Variants in CLVS1 observed in about 807,000 individuals in gnomAD.
CLVS1 encodes the protein clavesin-1.
Under a neutral mutation model 33.1 loss-of-function variants are expected in CLVS1, and 10 were observed. That is an observed-to-expected ratio of 0.30 (90% CI 0.19 to 0.51). The LOEUF (loss-of-function observed/expected upper bound fraction) is 0.51, where lower values mean the gene tolerates loss of function less well. Ranked by LOEUF, CLVS1 falls within the 20% of genes least tolerant of loss-of-function variation. The pLI is 0.97. For synonymous variants in CLVS1, 163 were observed against 166.1 expected, an observed-to-expected ratio of 0.98 and a Z score of 0.14; for missense variants, 343 against 433.4, an observed-to-expected ratio of 0.79 and a Z score of 1.85.
chr8:60,991,695 C>T, the CLVS1 span, among the ~76,000 whole-genome samples: 2 of 151,812 alleles, frequency 1.3e-5, no homozygotes, highest in Non-Finnish European at 2.9e-5. Context: ...AAACCAGGAC[C>T]TCTGCTTGGC....
At chr8:61,277,519 T>C (rs1809582964) in intron 2 of CLVS1, among the ~76,000 whole-genome samples, 1 of 152,090 alleles carries the variant, frequency 6.6e-6, no homozygotes, top group African/African-American at 2.4e-5. Flanking sequence ...TGGGTGAGTA[T>C]AGGGGAGGCT....
intron 2 of CLVS1, among the ~76,000 whole-genome samples, chr8:61,344,609 G>C (rs1179017685): frequency 3.9e-5 from 6 of 152,176 alleles, no homozygotes; most frequent in Non-Finnish European, 8.8e-5. Flanking sequence ...GCATGTGGCT[G>C]TATAGACTGG....
rs536734888 is a variant in CLVS1, at chr8:61,246,252, C to T, written c.-151-53425C>T. Among the ~76,000 whole-genome samples the T allele has an allele frequency of 3.0e-5, 4 of 132,986 alleles. No individual in the cohort carries two copies. The South Asian group carries it at 1.0e-3, about 34-fold the overall frequency. The allele number at this position is 132,986 out of a possible 152,430, so 87.2% of individuals were successfully genotyped here. ...GAGTGTGATCTCGGCTCACTGGAAC[C>T]TCTGCCTCCCAGGTTCAAGCGATTC... On this transcript the variant is annotated intron_variant, in intron 2 of 2. Transcript: ENST00000522621.
At chr8:61,319,502 G>A (rs1783148219) in intron 2 of CLVS1, among the ~76,000 whole-genome samples, 1 of 152,110 alleles carries the variant, frequency 6.6e-6, no homozygotes, top group African/African-American at 2.4e-5. Flanking sequence ...TTTATGTGGG[G>A]AGACCAGTTT....
chr8:61,105,972 C>G (rs1394765902), intron 1 of CLVS1, among the ~76,000 whole-genome samples: 1 of 152,174 alleles, frequency 6.6e-6, no homozygotes, highest in Non-Finnish European at 1.5e-5. Context: ...AAGCCAGAAG[C>G]CGGTTGTAGT....
At chr8:61,259,746 A>G (rs1031883084) in intron 2 of CLVS1, among the ~76,000 whole-genome samples, 2 of 152,250 alleles carry the variant, frequency 1.3e-5, no homozygotes. Flanking sequence ...TCTCTGAAGC[A>G]CTGAACATTG....
intron 2 of CLVS1, among the ~76,000 whole-genome samples, chr8:61,316,085 T>G (rs1810998384): frequency 6.6e-6 from 1 of 152,230 alleles, no homozygotes; most frequent in South Asian, 2.1e-4. Flanking sequence ...TGCATAGTAT[T>G]CTATGGTGTA....
At chr8:60,976,018 T>C in the CLVS1 span, among the ~76,000 whole-genome samples, 1 of 152,210 alleles carries the variant, frequency 6.6e-6, no homozygotes, top group Admixed American at 6.5e-5. Context: ...GATCAAACTT[T>C]CCTTAATTTT....
intron 1 of CLVS1, among the ~76,000 whole-genome samples, chr8:61,075,347 C>T (rs143637411): frequency 2.1e-3 from 326 of 152,316 alleles, no homozygotes; most frequent in Middle Eastern, 6.8e-3. Context: ...AGGATTATGA[C>T]AGATCAGCAA....
chr8:61,001,754 G>C, the CLVS1 span, among the ~76,000 whole-genome samples: 4 of 152,202 alleles, frequency 2.6e-5, no homozygotes, highest in African/African-American at 9.7e-5. Flanking sequence ...CCAAGCTCCG[G>C]CTAAACTCAA....
At chr8:61,481,981 T>A (rs1162379713) in intron 5 of CLVS1, among the ~76,000 whole-genome samples, 10 of 152,114 alleles carry the variant, frequency 6.6e-5, no homozygotes. Flanking sequence ...TACAGCTAGG[T>A]GCCCCTCTGA....
chr8:61,394,732 C>T (rs1814449242), intron 3 of CLVS1, among the ~76,000 whole-genome samples: 1 of 152,126 alleles, frequency 6.6e-6, no homozygotes, highest in Non-Finnish European at 1.5e-5. Context: ...GCAGGGCTCT[C>T]TTTTTAGTTT....
intron 2 of CLVS1, among the ~76,000 whole-genome samples, chr8:61,228,305 T>C: frequency 6.6e-6 from 1 of 152,202 alleles, no homozygotes; most frequent in East Asian, 1.9e-4. Flanking sequence ...GTACTTATCA[T>C]TTTTGTGTGT....
chr8:61,157,815 A>C (rs1806679475), intron 2 of CLVS1, among the ~76,000 whole-genome samples: 1 of 152,176 alleles, frequency 6.6e-6, no homozygotes, highest in Non-Finnish European at 1.5e-5. Context: ...TAAGAAATGC[A>C]AATTAAAGCC....
chr8:61,111,251 C>T (rs190944771), intron 1 of CLVS1, among the ~76,000 whole-genome samples: 53 of 152,144 alleles, frequency 3.5e-4, no homozygotes, highest in Admixed American at 1.2e-3. Flanking sequence ...AATTCACAAA[C>T]ATAAAAAATC....
chr8:61,112,179 T>TAC (rs749547863), intron 1 of CLVS1, among the ~76,000 whole-genome samples: 2,094 of 89,128 alleles, frequency 0.023, 18 homozygotes, highest in Middle Eastern at 0.031. Context: ...TTCTCCGTGC[T>TAC]ACACACACAC....
intron 3 of CLVS1, among the ~76,000 whole-genome samples, chr8:61,400,256 T>C (rs1814697567): frequency 6.6e-6 from 1 of 151,906 alleles, no homozygotes; most frequent in Non-Finnish European, 1.5e-5. Context: ...TCACTTCCCT[T>C]GTTAGCTGTA....
chr8:61,440,129 G>A (rs1332984345), intron 3 of CLVS1, among the ~76,000 whole-genome samples: 1 of 152,158 alleles, frequency 6.6e-6, no homozygotes, highest in East Asian at 1.9e-4. Flanking sequence ...ACTAGTAGAT[G>A]AACTAATTGA....
intron 2 of CLVS1, among the ~76,000 whole-genome samples, chr8:61,251,762 C>T (rs1808953968): frequency 6.6e-6 from 1 of 151,866 alleles, no homozygotes. Flanking sequence ...TGGTGATATC[C>T]CCTATATAAT....
Sources: gnomAD v4.1 joint callset for allele counts (sites outside exome capture counted in the v4.1 genomes callset) on GRCh38, gnomAD v4.1.1 for gene constraint, MANE v1.5 for transcripts, NCBI Gene and HGNC (gene_info 2026-07-23, HGNC 2026-07-21) for gene names.